Variants in RAPGEF2 observed in about 807,000 individuals in gnomAD.
RAPGEF2 encodes the protein PDZ domain containing guanine nucleotide exchange factor (GEF) 1.
Under a neutral mutation model 186.7 loss-of-function variants are expected in RAPGEF2, and 54 were observed. That is an observed-to-expected ratio of 0.29 (90% CI 0.23 to 0.36). The LOEUF is 0.36. Ranked by LOEUF, RAPGEF2 falls within the 10% of genes least tolerant of loss-of-function variation. The pLI is 1.00. For missense variants in RAPGEF2, 1,532 were observed against 2,045.0 expected (o/e 0.75, Z 4.84); for synonymous variants, 712 against 705.9 (o/e 1.01, Z -0.14).
chr4:159,202,671 G>C (rs1280571617), intron 3 of RAPGEF2, among the ~76,000 whole-genome samples: 1 of 151,998 alleles, frequency 6.6e-6, no homozygotes, highest in African/African-American at 2.4e-5. Context: ...GCATGATCTT[G>C]GCCCACTGCA....
At chr4:159,190,112 T>C (rs1029143472) in intron 2 of RAPGEF2, among the ~76,000 whole-genome samples, 7 of 152,220 alleles carry the variant, frequency 4.6e-5, no homozygotes, top group Non-Finnish European at 1.0e-4. Context: ...TGCTCTGTCA[T>C]GGGCACAGGC....
chr4:159,331,629 G>GA lies in RAPGEF2; in HGVS notation c.1579dup (p.Met527AsnfsTer15). 1 of 1,614,106 alleles carries GA rather than the reference G, an allele frequency of 6.2e-7. No homozygotes were observed. The highest frequency in any genetic ancestry group is 8.5e-7 in the Non-Finnish European group (1 of 1,179,976). On this transcript the variant is annotated frameshift_variant and splice_region_variant. Coordinates refer to ENST00000691494, the MANE Select transcript of RAPGEF2 (RefSeq NM_001394067.2). LOFTEE classifies it high-confidence loss of function. ...ACACTACTGTTTCTGAACTCTTAAA[G>GA]AAAATGGGTGGACACCTAAGGCTGT...
At chr4:159,170,305 C>T (rs995839947) in intron 1 of RAPGEF2, among the ~76,000 whole-genome samples, 1 of 151,574 alleles carries the variant, frequency 6.6e-6, no homozygotes, top group Non-Finnish European at 1.5e-5. Context: ...GTATATTAAC[C>T]CCCTATCAGG....
intron 7 of RAPGEF2, among the ~76,000 whole-genome samples, chr4:159,266,695 C>T (rs1757475492): frequency 1.3e-5 from 2 of 152,034 alleles, no homozygotes; most frequent in African/African-American, 2.4e-5. Context: ...TAAATGTATA[C>T]AAAGCTTGTC....
At chr4:159,339,476 A>T in intron 19 of RAPGEF2, 122 bp downstream of exon 19, 2 of 1,264,420 alleles carry the variant, frequency 1.6e-6, no homozygotes, top group Non-Finnish European at 2.2e-6. Flanking sequence ...ATTAAAAAGT[A>T]TTGTTGTTGT....
rs71589223 is a variant in RAPGEF2 at position 159,295,720 on chromosome 4, AGTGTGTGTGTGTGTGTGT to A, written c.544-8604_544-8587del. Among the ~76,000 whole-genome samples the A allele has an allele frequency of 7.4e-5, 10 of 134,630 alleles. 1 individual carries two copies. Among genetic ancestry groups the A allele is most frequent in the East Asian group, 2.2e-4 (1 of 4,562 alleles). 88.3% of individuals were successfully genotyped at this position (134,630 alleles called of 152,430 possible). A position where few individuals can be genotyped will look rare whatever the true frequency, so the allele number is the denominator to read the frequency against. On this transcript the variant is annotated intron_variant, in intron 7 of 29. Transcript: ENST00000691494. ...TAGCATAAGAGAGAGAGAGTGTGTG[AGTGTGTGTGTGTGTGTGT>A]GTGTGTGTGTGTGTGTGCGCGCGCG...
intron 4 of RAPGEF2, among the ~76,000 whole-genome samples, chr4:159,233,023 T>C (rs1246907413): frequency 2.0e-5 from 3 of 152,252 alleles, no homozygotes; most frequent in African/African-American, 7.2e-5. Flanking sequence ...TATCTTTTTG[T>C]TGTTTAAGAC....
In RAPGEF2 at chr4:159,273,322, T is replaced by C. The variant is rs549823705; in HGVS notation, c.543+29531T>C. Among the ~76,000 whole-genome samples the C allele has an allele frequency of 5.3e-5, 8 of 152,262 alleles. No homozygotes were observed. In the East Asian group the frequency reaches 9.6e-4, roughly 18 times the overall value. On this transcript the variant is annotated intron_variant, in intron 7 of 29. Transcript: ENST00000691494. ...AAATAATAGATCTTTTTACCCCCAT[T>C]AGAAGTGAAGAAATGTATTTAGAAA... is the stretch of plus-strand genomic sequence containing the variant.
intron 3 of RAPGEF2, among the ~76,000 whole-genome samples, chr4:159,195,896 TTTTTTTTTC>T (rs1748602409): frequency 6.8e-6 from 1 of 146,918 alleles, no homozygotes; most frequent in African/African-American, 2.6e-5. Flanking sequence ...TTTTTTTTTT[TTTTTTTTTC>T]CCCAAGTAGG....
chr4:159,123,908 T>C (rs1739998676), intron 1 of RAPGEF2, among the ~76,000 whole-genome samples: 1 of 152,120 alleles, frequency 6.6e-6, no homozygotes, highest in South Asian at 2.1e-4. Flanking sequence ...CAGGCTGGAG[T>C]GCAGTGGCGT....
chr4:159,253,479 G>A (rs1476538963), intron 7 of RAPGEF2, among the ~76,000 whole-genome samples: 1 of 152,120 alleles, frequency 6.6e-6, no homozygotes, highest in Non-Finnish European at 1.5e-5. Flanking sequence ...TTAAGAAGCT[G>A]TCAGACTTAC....
intron 5 of RAPGEF2, among the ~76,000 whole-genome samples, chr4:159,239,708 G>T (rs1753724343): frequency 6.6e-6 from 1 of 152,134 alleles, no homozygotes; most frequent in Non-Finnish European, 1.5e-5. Context: ...AATAAGATGA[G>T]GTGGAAGGGG....
chr4:159,335,873 T>C (rs1767345381), intron 17 of RAPGEF2, among the ~76,000 whole-genome samples: 1 of 149,386 alleles, frequency 6.7e-6, no homozygotes, highest in Admixed American at 6.7e-5. Flanking sequence ...TGAGTGTGCC[T>C]GCAAGATGCT....
intron 1 of RAPGEF2, among the ~76,000 whole-genome samples, chr4:159,132,015 G>A (rs988515675): frequency 1.3e-5 from 2 of 152,114 alleles, no homozygotes; most frequent in Non-Finnish European, 2.9e-5. Flanking sequence ...AAACTATCAA[G>A]TTGGAGAGTA....
intron 29 of RAPGEF2, among the ~76,000 whole-genome samples, chr4:159,357,714 A>T (rs1163881754): frequency 1.3e-5 from 2 of 152,182 alleles, no homozygotes; most frequent in Non-Finnish European, 2.9e-5. Flanking sequence ...AAACATTACA[A>T]ATGAAAATTA....
intron 7 of RAPGEF2, among the ~76,000 whole-genome samples, chr4:159,288,197 A>G (rs1448275952): frequency 6.6e-6 from 1 of 152,198 alleles, no homozygotes; most frequent in African/African-American, 2.4e-5. Flanking sequence ...GTACTTAGTC[A>G]AAGTAAGTAT....
intron 1 of RAPGEF2, among the ~76,000 whole-genome samples, chr4:159,130,316 A>G (rs1026195375): frequency 6.6e-6 from 1 of 152,160 alleles, no homozygotes; most frequent in Admixed American, 6.5e-5. Context: ...GCAGTCCAGT[A>G]GGTCTCAGCC....
intron 19 of RAPGEF2, among the ~76,000 whole-genome samples, 179 bp downstream of exon 19, chr4:159,339,533 A>C (rs985725895): frequency 1.3e-5 from 2 of 151,946 alleles, no homozygotes; most frequent in African/African-American, 2.4e-5. Flanking sequence ...GCAAATGCAC[A>C]CAGTCGACTA....
In RAPGEF2 at chr4:159,214,878, G is replaced by T. The variant is rs1034952557; in HGVS notation, c.281+4295G>T. On this transcript the variant is annotated intron_variant, in intron 4 of 29. Transcript: ENST00000691494. Reference sequence around the variant, plus strand: ...TATACAATTTTTATTTTGTGGGGAGGGAGTTGTGGAGTCTTACTCTGTTGT... The same window carrying T: ...TATACAATTTTTATTTTGTGGGGAGTGAGTTGTGGAGTCTTACTCTGTTGT... Among the ~76,000 whole-genome samples the T allele has an allele frequency of 2.6e-5, 4 of 152,108 alleles. No homozygotes were observed. The East Asian group carries it at 7.7e-4, about 29-fold the overall frequency.
Sources: allele counts gnomAD v4.1 joint callset (sites outside exome capture counted in the v4.1 genomes callset), GRCh38; gene constraint gnomAD v4.1.1; transcripts MANE v1.5; gene names NCBI Gene and HGNC (gene_info 2026-07-23, HGNC 2026-07-21).